The following CRAT variants were observed in gnomAD, a reference collection of about 807,000 sequenced individuals.
CRAT encodes carnitine acetylase.
Under a neutral mutation model 73.7 loss-of-function variants are expected in CRAT, and 66 were observed. That is an observed-to-expected ratio of 0.90 (90% CI 0.73 to 1.10). The LOEUF is 1.10. CRAT is among the 50% of genes least tolerant of loss of function. The pLI is 0.00. For missense variants in CRAT, 745 were observed against 846.9 expected (o/e 0.88, Z 1.49); for synonymous variants, 321 against 343.2 (o/e 0.94, Z 0.71).
chr9:129,107,934 G>C lies in CRAT; in HGVS notation c.171C>G (p.Ile57Met). Residue 57 changes from isoleucine to methionine, a missense_variant, in exon 2 of 14, where the codon ATC becomes ATG. Physicochemically the swap from Ile to Met is conservative, Grantham distance 10. Coordinates refer to ENST00000318080, the MANE Select transcript of CRAT (RefSeq NM_000755.5). The surrounding 1 kb of genome is among the most constrained non-coding windows in gnomAD (Gnocchi z 5.0). Reference sequence around the variant, plus strand: ...TGTGGGCCCACTCCTCCTCACTCACGATGGGCTGCAGCGCCTTCAGGTAGT... The same window carrying C: ...TGTGGGCCCACTCCTCCTCACTCACCATGGGCTGCAGCGCCTTCAGGTAGT... The part of the protein sequence containing the change: ...LDHYLKALQP[I>M]VSEEEWAHTK... The C allele has an allele frequency of 3.7e-6, 6 of 1,609,990 alleles. No individual in the cohort carries two copies. The highest frequency in any genetic ancestry group is 5.1e-6 in the Non-Finnish European group (6 of 1,179,782).
Position 129,096,105 on chromosome 9 carries a change from G to T in CRAT, c.1558C>A (p.Leu520Met). The T allele has an allele frequency of 6.2e-7, 1 of 1,613,782 alleles. No homozygotes were observed. The highest frequency in any genetic ancestry group is 8.5e-7 in the Non-Finnish European group (1 of 1,180,036). ...ATGGCCTGCAGCTTCAGGCCCAGCA[G>T]GTGTCGATCAAAGGCCTCCCCGCGG... ...AIRGEAFDRH[L>M]LGLKLQAIED... is the part of the protein sequence containing the mutation. The change falls in exon 13 of 14, where the codon CTG (leucine) becomes ATG (methionine). Residue 520 changes from leucine (L) to methionine (M), a missense_variant. By Grantham distance (15) the Leu-to-Met change is conservative. Coordinates refer to ENST00000318080, the MANE Select transcript of CRAT (RefSeq NM_000755.5).
Position 129,098,570 on chromosome 9 carries a change from A to T in CRAT, c.1166T>A (p.Ile389Asn). The T allele has an allele frequency of 6.2e-7, 1 of 1,601,418 alleles. No individual in the cohort carries two copies. Among genetic ancestry groups the T allele is most frequent in the African/African-American group, 1.4e-5 (1 of 73,666 alleles). ...CTTGGCCTTCTCGATGTCGCTCTTG[A>T]TCTCGGGGGTGATGTTGAACCGCAG... ...KKLRFNITPE[I>N]KSDIEKAKQN... is the part of the protein sequence containing the mutation. The change falls in exon 9 of 14, where the codon ATC becomes AAC. Residue 389 changes from isoleucine to asparagine, a missense_variant. By Grantham distance (149) the Ile-to-Asn change is moderately radical. Coordinates refer to ENST00000318080, the MANE Select transcript of CRAT (RefSeq NM_000755.5).
chr9:129,107,703 G>C lies in CRAT; in HGVS notation c.291+111C>G. 2.0e-6 allele frequency: 3 copies of C among 1,479,086 alleles called. No individual in the cohort carries two copies. The highest frequency in any genetic ancestry group is 2.8e-6 in the Non-Finnish European group (3 of 1,069,402). The allele number at this position is 1,479,086 out of a possible 1,614,324, so 91.6% of individuals were successfully genotyped here. A position where few individuals can be genotyped will look rare whatever the true frequency, so the allele number is the denominator to read the frequency against. On this transcript the variant is annotated intron_variant, in intron 2 of 13. Transcript: ENST00000318080. The surrounding 1 kb of genome is among the most constrained non-coding windows in gnomAD (Gnocchi z 5.0). ...CTGCCAAGTGCCAGACACAGAGTAT[G>C]TGCTCACGAAACTCTGGGCAGCAAA...
intron 2 of CRAT, 130 bp from the exon 3 acceptor site, chr9:129,104,436 A>G: frequency 1.5e-6 from 1 of 671,516 alleles, no homozygotes; most frequent in Non-Finnish European, 2.6e-6. Context: ...GTAAATGCCT[A>G]GATCCAGAAC....
In CRAT at chr9:129,107,489, A is replaced by G. The variant is rs1848084544; in HGVS notation, c.291+325T>C. On this transcript the variant is annotated intron_variant, in intron 2 of 13. Coordinates refer to ENST00000318080, the MANE Select transcript of CRAT (RefSeq NM_000755.5). This position sits in a 1 kb window ranked among gnomAD's most constrained non-coding sequence, Gnocchi z 5.0. ...CTGAGTGACACATATCCCCTGCCTG[A>G]GGCTGTCCCACCAAGCACAAGGGCA... 1.6e-6 allele frequency: 1 copy of G among 622,530 alleles called. No homozygotes were observed. The highest frequency in any genetic ancestry group is 2.9e-6 in the Non-Finnish European group (1 of 342,332). 38.6% of individuals were successfully genotyped at this position (622,530 alleles called of 1,614,324 possible). A position where few individuals can be genotyped will look rare whatever the true frequency, so the allele number is the denominator to read the frequency against.
At chr9:129,109,004 T>G in intron 1 of CRAT, 4 of 1,229,868 alleles carry the variant, frequency 3.3e-6, no homozygotes, top group Non-Finnish European at 4.2e-6. Flanking sequence ...GGGAAGCTCC[T>G]GGACTCTAGA....
At chr9:129,108,930 T>G in intron 1 of CRAT, 1 of 1,264,286 alleles carries the variant, frequency 7.9e-7, no homozygotes, top group Non-Finnish European at 1.0e-6. Flanking sequence ...AGAGCCAAGA[T>G]TCAGCGGGAG....
intron 11 of CRAT, among the ~76,000 whole-genome samples, chr9:129,097,545 C>T (rs761665845): frequency 2.8e-4 from 42 of 151,994 alleles, no homozygotes; most frequent in Non-Finnish European, 5.3e-4. Context: ...CCCGTTTCTA[C>T]TAAAAATACA....
In CRAT at chr9:129,102,380, TGTGGGTGGGGGCC is replaced by T; in HGVS notation, c.630+7_630+19del. 6.2e-7 allele frequency: 1 copy of T among 1,613,700 alleles called. No homozygotes were observed. On this transcript the variant is annotated splice_region_variant and intron_variant, in intron 5 of 13. Coordinates refer to ENST00000318080, the MANE Select transcript of CRAT (RefSeq NM_000755.5). ...CTGCAGCAGGGCCGGGGCTTGTAGGTGTGGGTGGGGGCCACCCACCTGGTAGTTGTGTACCACG... is the reference window on the plus strand; with the variant it reads ...CTGCAGCAGGGCCGGGGCTTGTAGGTACCCACCTGGTAGTTGTGTACCACG...
intron 4 of CRAT, 62 bp from the exon 5 acceptor site, chr9:129,102,627 AGAC>A: frequency 6.4e-7 from 1 of 1,571,542 alleles, no homozygotes; most frequent in African/African-American, 1.3e-5. Flanking sequence ...AGGGCAGGGT[AGAC>A]AGGGACCTGC....
At chr9:129,097,217 G>C (rs766278346) in intron 12 of CRAT, 33 bp downstream of exon 12, 1 of 1,527,362 alleles carries the variant, frequency 6.5e-7, no homozygotes, top group Non-Finnish European at 8.8e-7. Context: ...GACACTAAGG[G>C]ACAAGTGAGT....
chr9:129,102,590 C>A, intron 4 of CRAT, 25 bp from the exon 5 acceptor site: 1 of 1,612,242 alleles, frequency 6.2e-7, no homozygotes, highest in Non-Finnish European at 8.5e-7. Context: ...GGCAGTGAGG[C>A]CACCACTGGG....
At chr9:129,108,286 G>A in intron 1 of CRAT, 2 of 1,006,066 alleles carry the variant, frequency 2.0e-6, no homozygotes, top group East Asian at 5.8e-5. Context: ...GGGAGGGTGG[G>A]GTGTGGCCAT....
rs1216526069 is a variant in CRAT at position 129,095,025 on chromosome 9, G to A, written c.*372C>T. The A allele has an allele frequency of 3.5e-6, 1 of 283,286 alleles. No individual in the cohort carries two copies. Among genetic ancestry groups the A allele is most frequent in the Non-Finnish European group, 6.8e-6 (1 of 146,924 alleles). The allele number at this position is 283,286 out of a possible 1,614,324, so 17.5% of individuals were successfully genotyped here. A position where few individuals can be genotyped will look rare whatever the true frequency, so the allele number is the denominator to read the frequency against. ...AGGGTACAGATGGTGGCCTGGTCAT[G>A]GAGTTGGCAGGGAGTGGCCGGGGCT... On this transcript the variant is annotated 3_prime_UTR_variant, in exon 14 of 14. Transcript: ENST00000318080.
intron 1 of CRAT, 78 bp from the exon 2 acceptor site, chr9:129,108,155 A>ACTT (rs942087377): frequency 1.4e-6 from 2 of 1,467,192 alleles, no homozygotes; most frequent in African/African-American, 2.8e-5. Context: ...AGTCCTGGGC[A>ACTT]CTTAAGTGCC....
Position 129,099,908 on chromosome 9 carries a change from C to G in CRAT, c.1043G>C (p.Gly348Ala). The change falls in exon 8 of 14, where the codon GGG (glycine) becomes GCG (alanine). Residue 348 changes from glycine to alanine, a missense_variant. By Grantham distance (60) the Gly-to-Ala change is moderately conservative (BLOSUM62 0). Coordinates refer to ENST00000318080, the MANE Select transcript of CRAT (RefSeq NM_000755.5). ...GTCCAGAAGGGTGACAATAGGGGGCCCCTCCGCTGCAGCATGCTCGTACAC... is the reference window on the plus strand; with the variant it reads ...GTCCAGAAGGGTGACAATAGGGGGCGCCTCCGCTGCAGCATGCTCGTACAC... Reference protein sequence around the residue: ...GLVYEHAAAEGPPIVTLLDYV... With the variant: ...GLVYEHAAAEAPPIVTLLDYV... The G allele has an allele frequency of 6.2e-7, 1 of 1,613,754 alleles. No individual in the cohort carries two copies. The highest frequency in any genetic ancestry group is 8.5e-7 in the Non-Finnish European group (1 of 1,179,980).
Position 129,095,143 on chromosome 9 carries a change from G to T in CRAT, c.*254C>A. The T allele has an allele frequency of 1.8e-6, 1 of 551,720 alleles. No homozygotes were observed. Among genetic ancestry groups the T allele is most frequent in the Non-Finnish European group, 3.2e-6 (1 of 308,732 alleles). The allele number at this position is 551,720 out of a possible 1,614,324, so 34.2% of individuals were successfully genotyped here. On this transcript the variant is annotated 3_prime_UTR_variant, in exon 14 of 14. Transcript: ENST00000318080. The stretch of plus-strand genomic sequence containing the variant: ...GGCACCGGTGGAGGACGTGCCAGGG[G>T]CCCGGGCCTAACGTCCTGCTCAGCC...
chr9:129,110,359 C>T lies in CRAT; in HGVS notation c.27+124G>A. The T allele has an allele frequency of 1.9e-6, 2 of 1,034,850 alleles. No individual in the cohort carries two copies. The highest frequency in any genetic ancestry group is 3.3e-5 in the Admixed American group (1 of 30,150). The allele number at this position is 1,034,850 out of a possible 1,614,324, so 64.1% of individuals were successfully genotyped here. A position where few individuals can be genotyped will look rare whatever the true frequency, so the allele number is the denominator to read the frequency against. The stretch of plus-strand genomic sequence containing the variant: ...CCAAACCTGGGACGCCCGCCTGACC[C>T]CACCCCATCAGCTGGAGGCCGGGTC... On this transcript the variant is annotated intron_variant, in intron 1 of 13. Transcript: ENST00000318080. This position sits in a 1 kb window ranked among gnomAD's most constrained non-coding sequence, Gnocchi z 5.3.
rs1277309028 is a variant in CRAT, at chr9:129,095,044, CG to C, written c.*352del. The C allele has an allele frequency of 6.4e-6, 2 of 313,852 alleles. No individual in the cohort carries two copies. Among genetic ancestry groups the C allele is most frequent in the East Asian group, 1.5e-4 (2 of 13,704 alleles). 19.4% of individuals were successfully genotyped at this position (313,852 alleles called of 1,614,324 possible). On this transcript the variant is annotated 3_prime_UTR_variant, in exon 14 of 14. Coordinates refer to ENST00000318080, the MANE Select transcript of CRAT (RefSeq NM_000755.5). ...GGTCATGGAGTTGGCAGGGAGTGGC[CG>C]GGGCTGAGCTGGTGAGACAAAGAGC...
Sources: allele counts gnomAD v4.1 joint callset (sites outside exome capture counted in the v4.1 genomes callset), GRCh38; gene constraint gnomAD v4.1.1; non-coding constraint Gnocchi (gnomAD v3.1); transcripts MANE v1.5; gene names NCBI Gene and HGNC (gene_info 2026-07-23, HGNC 2026-07-21).